PRSS23: variants seen among roughly 807,000 people sequenced by gnomAD.
PRSS23 encodes serine protease 23, also known as protease, serine 23.
A neutral mutation model predicts 34.7 loss-of-function variants in PRSS23; 25 were observed. The ratio of observed to expected loss-of-function variants is 0.72; its 90% CI spans 0.53 to 1.01. PRSS23 has a LOEUF of 1.01. Among genes scored for constraint, PRSS23 ranks in the 50% least tolerant of loss-of-function variants. The pLI is 0.00. For synonymous variants in PRSS23, 176 were observed against 186.6 expected (o/e 0.94, Z 0.46); for missense variants, 445 against 475.6 (o/e 0.94, Z 0.60).
At chr11:86,950,379 T>A (rs1949279598) in intron 2 of PRSS23, 1 of 152,644 alleles carries the variant, frequency 6.6e-6, no homozygotes, top group Admixed American at 6.5e-5. Flanking sequence ...AAAAATTCTA[T>A]AAAAATACCT....
chr11:86,843,329 C>A (rs1444608863), intron 2 of PRSS23, among the ~76,000 whole-genome samples: 1 of 152,186 alleles, frequency 6.6e-6, no homozygotes, highest in Non-Finnish European at 1.5e-5. Flanking sequence ...TAGAAGACAA[C>A]CTAGGCAATA....
intron 2 of PRSS23, among the ~76,000 whole-genome samples, chr11:86,944,135 C>T (rs765695079): frequency 6.2e-4 from 94 of 152,186 alleles, no homozygotes; most frequent in Middle Eastern, 6.8e-3. Context: ...TTCCCTGCCT[C>T]TCTCCTGGCT....
intron 2 of PRSS23, among the ~76,000 whole-genome samples, chr11:86,873,563 A>C (rs905580159): frequency 7.2e-5 from 11 of 152,020 alleles, no homozygotes; most frequent in African/African-American, 2.7e-4. Context: ...GATTGTAGGC[A>C]TGAGCCACCG....
At chr11:86,890,865 T>A (rs1948836822) in intron 2 of PRSS23, among the ~76,000 whole-genome samples, 1 of 152,186 alleles carries the variant, frequency 6.6e-6, no homozygotes, top group African/African-American at 2.4e-5. Context: ...AAACCCCTTA[T>A]CTTCTTTGCT....
chr11:86,824,623 T>C (rs1328247331), intron 2 of PRSS23, among the ~76,000 whole-genome samples: 1 of 88,414 alleles, frequency 1.1e-5, no homozygotes, highest in African/African-American at 4.4e-5. Flanking sequence ...AAGCTATCCC[T>C]CCCCCCTCCC....
intron 2 of PRSS23, among the ~76,000 whole-genome samples, chr11:86,831,179 C>T (rs1427664379): frequency 1.3e-5 from 2 of 152,050 alleles, no homozygotes; most frequent in Non-Finnish European, 2.9e-5. Flanking sequence ...ACTAATGTCA[C>T]AATGCTTGTA....
chr11:86,952,482 A>T (rs1419168828), exon 3 of PRSS23: 2 of 1,610,130 alleles, frequency 1.2e-6, no homozygotes, highest in African/African-American at 1.3e-5. Flanking sequence ...TGGAAAAGTA[A>T]CAAAATGAAC....
intron 2 of PRSS23, chr11:86,936,156 G>A (rs1031442240): frequency 1.3e-5 from 2 of 152,214 alleles, no homozygotes; most frequent in African/African-American, 4.8e-5. Flanking sequence ...GCACTACCCA[G>A]AGGGTTCATT....
intron 2 of PRSS23, among the ~76,000 whole-genome samples, chr11:86,855,730 G>A (rs780038223): frequency 6.6e-6 from 1 of 152,164 alleles, no homozygotes; most frequent in African/African-American, 2.4e-5. Flanking sequence ...TCCTCAGATG[G>A]CCTCAAGTGA....
intron 2 of PRSS23, among the ~76,000 whole-genome samples, chr11:86,840,278 AAAACAAAC>A (rs564155464): frequency 6.6e-6 from 1 of 152,210 alleles, no homozygotes; most frequent in Non-Finnish European, 1.5e-5. Flanking sequence ...AATGGAAAGC[AAAACAAAC>A]AAACAAACAA....
At chr11:86,951,609 T>A in exon 3 of PRSS23, 1 of 1,614,126 alleles carries the variant, frequency 6.2e-7, no homozygotes, top group Non-Finnish European at 8.5e-7. Context: ...GCATCGAGAT[T>A]TTGGTTTCCA....
chr11:86,899,518 CTTT>C (rs34686726), intron 2 of PRSS23, among the ~76,000 whole-genome samples: 21 of 144,000 alleles, frequency 1.5e-4, no homozygotes, highest in African/African-American at 2.5e-4. Context: ...GACCCCGTTT[CTTT>C]TTTTTTTTTT....
intron 2 of PRSS23, among the ~76,000 whole-genome samples, chr11:86,823,788 CGAGGTCAGGAGATCGA>C: frequency 6.6e-6 from 1 of 152,060 alleles, no homozygotes; most frequent in Non-Finnish European, 1.5e-5. Flanking sequence ...GGGCGGATCA[CGAGGTCAGGAGATCGA>C]GACCATCCTG....
intron 2 of PRSS23, among the ~76,000 whole-genome samples, chr11:86,872,068 T>C (rs1948688562): frequency 6.6e-6 from 1 of 152,134 alleles, no homozygotes; most frequent in African/African-American, 2.4e-5. Context: ...CAGTAAGGGG[T>C]GTTCAGCAAT....
intron 2 of PRSS23, among the ~76,000 whole-genome samples, chr11:86,888,122 A>C (rs1408761877): frequency 2.6e-5 from 3 of 114,302 alleles, no homozygotes; most frequent in Admixed American, 8.3e-5. Flanking sequence ...TTTTTTAAAA[A>C]AAAACAAAAC....
chr11:86,832,567 G>A lies in PRSS23; in HGVS notation c.206+8974G>A, dbSNP rs58868873. ...GCAACCACCACAGGACCCTTTTGAT[G>A]TCCCTGTTTCTCAGTCTGTAGATGA... On this transcript the variant is annotated intron_variant, in intron 2 of 2. Coordinates refer to the PRSS23 transcript ENST00000533902. 7.3e-3 allele frequency: 3,375 copies of A among 463,962 alleles called. 92 individuals are homozygous for A. Among genetic ancestry groups the A allele is most frequent in the African/African-American group, 0.06 (3,029 of 50,164 alleles). The allele number at this position is 463,962 out of a possible 1,614,324, so 28.7% of individuals were successfully genotyped here.
chr11:86,832,297 T>C (rs1035964748), intron 2 of PRSS23, among the ~76,000 whole-genome samples: 2 of 152,084 alleles, frequency 1.3e-5, no homozygotes, highest in Admixed American at 1.3e-4. Context: ...ACAGAGGGTG[T>C]ACACCTGGGG....
intron 1 of PRSS23, 73 bp downstream of exon 1, chr11:86,800,724 G>C (rs1018825352): frequency 8.5e-5 from 75 of 880,454 alleles, no homozygotes; most frequent in Non-Finnish European, 9.5e-5. Flanking sequence ...GCGGGACAAA[G>C]GGCCGGGTAT....
chr11:86,829,904 G>T lies in PRSS23; in HGVS notation c.206+6311G>T, dbSNP rs529769364. Among the ~76,000 whole-genome samples, 9 of 152,330 alleles carry T rather than the reference G, an allele frequency of 5.9e-5. No individual in the cohort carries two copies. The East Asian group carries it at 1.5e-3, about 26-fold the overall frequency. Reference sequence around the variant, plus strand: ...GAGGTGTCAGTCTGCCCCTACTGGGGGGTGCCTCCCAGTTAGGCTGCTCGG... The same window carrying T: ...GAGGTGTCAGTCTGCCCCTACTGGGTGGTGCCTCCCAGTTAGGCTGCTCGG... On this transcript the variant is annotated intron_variant, in intron 2 of 2. Transcript: ENST00000533902.
Sources: allele counts gnomAD v4.1 joint callset (sites outside exome capture counted in the v4.1 genomes callset), GRCh38; gene constraint gnomAD v4.1.1; transcripts MANE v1.5; gene names NCBI Gene and HGNC (gene_info 2026-07-23, HGNC 2026-07-21).